The following CHMP7 variants were observed in gnomAD, a reference collection of about 807,000 sequenced individuals.
The protein encoded by CHMP7 is charged multivesicular body protein 7, also known as CHMP family, member 7.
In CHMP7, 15 loss-of-function variants were observed where a neutral mutation model predicts 53.7. The observed-to-expected ratio is 0.28, with a 90% CI of 0.19 to 0.43. The LOEUF is 0.43. Ranked by LOEUF, CHMP7 falls within the 20% of genes least tolerant of loss-of-function variation. The probability of loss-of-function intolerance (pLI) is 1.00; values close to 1 mark genes in which losing one functional copy is unlikely to be tolerated. For synonymous variants in CHMP7, 261 were observed against 228.0 expected (o/e 1.14, Z -1.30); for missense variants, 527 against 569.4 (o/e 0.93, Z 0.76).
intron 5 of CHMP7, among the ~76,000 whole-genome samples, chr8:23,257,546 G>A (rs542450328): frequency 6.6e-6 from 1 of 152,356 alleles, no homozygotes; most frequent in East Asian, 1.9e-4. Context: ...ACAGGTCCCT[G>A]CCTTTGCAGA....
rs1802361197 is a variant in CHMP7, at chr8:23,260,957, T to C, written c.*358T>C. The C allele has an allele frequency of 3.3e-6, 1 of 302,334 alleles. No homozygotes were observed. The highest frequency in any genetic ancestry group is 4.6e-5 in the Admixed American group (1 of 21,716). 18.7% of individuals were successfully genotyped at this position (302,334 alleles called of 1,614,324 possible). On this transcript the variant is annotated 3_prime_UTR_variant, in exon 11 of 11. Transcript: ENST00000397677. ...CATGAAGGGGAAAGATTTGCAGCTT[T>C]GCCAAATCTGAATCAGTTCCCACTC...
chr8:23,249,278 T>C lies in CHMP7; in HGVS notation c.368T>C (p.Val123Ala). 1 of 1,611,212 alleles carries C rather than the reference T, an allele frequency of 6.2e-7. No homozygotes were observed. The highest frequency in any genetic ancestry group is 8.5e-7 in the Non-Finnish European group (1 of 1,178,816). Residue 123 changes from valine (V) to alanine (A), a missense_variant, in exon 3 of 11, where the codon GTT becomes GCT. Physicochemically the swap from Val to Ala is moderately conservative, Grantham distance 64 (BLOSUM62 0). Coordinates refer to ENST00000397677, the MANE Select transcript of CHMP7 (RefSeq NM_152272.5). Reference protein sequence around the residue: ...SVDSSWISWGVGVFLLKPLKW... With the variant: ...SVDSSWISWGAGVFLLKPLKW... The stretch of plus-strand genomic sequence containing the variant: ...GACAGCAGCTGGATCTCCTGGGGGG[T>C]TGGGGTCTTCCTGCTGAAGCCTCTC...
In CHMP7 at chr8:23,259,083, T is replaced by C; in HGVS notation, c.1077T>C (p.Asp359=). The change falls in exon 9 of 11, where the codon GAT becomes GAC. Residue 359 remains aspartate, a synonymous_variant. Coordinates refer to ENST00000397677, the MANE Select transcript of CHMP7 (RefSeq NM_152272.5). The part of the protein sequence containing the change: ...DQIQELCDTQ[D]EVSQTLAGGV... ...TCTTACAGCTCTGTGACACCCAGGA[T>C]GAAGTTTCTCAGACTCTGGCTGGTG... 6.2e-7 allele frequency: 1 copy of C among 1,609,258 alleles called. No individual in the cohort carries two copies. The highest frequency in any genetic ancestry group is 8.5e-7 in the Non-Finnish European group (1 of 1,175,624).
At chr8:23,244,546 A>G (rs1368629746) in intron 1 of CHMP7, among the ~76,000 whole-genome samples, 1 of 152,062 alleles carries the variant, frequency 6.6e-6, no homozygotes, top group Non-Finnish European at 1.5e-5. Context: ...ATTACTGTTG[A>G]TTTATAGTAA....
chr8:23,256,730 T>G, intron 5 of CHMP7, 137 bp downstream of exon 5: 1 of 509,294 alleles, frequency 2.0e-6, no homozygotes. Context: ...TACTCACTGC[T>G]CAATGCAGAA....
At chr8:23,259,372 T>C (rs1802290111) in intron 9 of CHMP7, among the ~76,000 whole-genome samples, 1 of 150,378 alleles carries the variant, frequency 6.6e-6, no homozygotes, top group African/African-American at 2.4e-5. Flanking sequence ...GTCATTTTTT[T>C]TTTTTTTAGA....
At position 23,261,904 on chromosome 8, in the gene CHMP7, C is replaced by T. The variant is rs1044657686; in HGVS notation, c.*1305C>T. ...TTGTTCAATGAATTTCTCTCCAACT[C>T]GACCTTGGTAAACGGAAATGTTGGG... is the stretch of plus-strand genomic sequence containing the variant. On this transcript the variant is annotated 3_prime_UTR_variant, in exon 11 of 11. Transcript: ENST00000397677. 8.5e-5 allele frequency: 13 copies of T among 152,628 alleles called. No individual in the cohort carries two copies. The highest frequency in any genetic ancestry group is 3.2e-3 in the Middle Eastern group (1 of 316). The allele number at this position is 152,628 out of a possible 1,614,324, so 9.5% of individuals were successfully genotyped here.
In CHMP7 at chr8:23,251,692, G is replaced by A. The variant is rs1483925219; in HGVS notation, c.471+2311G>A. ...TTCTTTCCATTGCATTGTATCAGGT[G>A]CCTCTTTCCAGGCCCTACACAGTAT... On this transcript the variant is annotated intron_variant, in intron 3 of 10. Transcript: ENST00000397677. 2.0e-5 allele frequency among the ~76,000 whole-genome samples: 3 copies of A among 152,134 alleles called. No individual in the cohort carries two copies. The East Asian group carries it at 5.8e-4, about 29-fold the overall frequency.
intron 9 of CHMP7, among the ~76,000 whole-genome samples, 192 bp downstream of exon 9, chr8:23,259,318 G>A (rs1271287476): frequency 1.3e-5 from 2 of 149,548 alleles, no homozygotes; most frequent in Non-Finnish European, 3.0e-5. Flanking sequence ...ACAGGCGCCT[G>A]CCACTATGCC....
chr8:23,257,570 G>C (rs1802188087), intron 5 of CHMP7, among the ~76,000 whole-genome samples: 1 of 152,198 alleles, frequency 6.6e-6, no homozygotes, highest in Non-Finnish European at 1.5e-5. Flanking sequence ...CTTTCTGAGG[G>C]GCTCTTCCCC....
At position 23,249,392 on chromosome 8, in the gene CHMP7, A is replaced by G. The variant is rs1180950604; in HGVS notation, c.471+11A>G. 1.3e-6 allele frequency: 2 copies of G among 1,584,458 alleles called. No homozygotes were observed. Among genetic ancestry groups the G allele is most frequent in the South Asian group, 2.3e-5 (2 of 86,196 alleles). On this transcript the variant is annotated intron_variant, in intron 3 of 10. Transcript: ENST00000397677. ...GTGGAGCTGTTGAAGGTGGGTACTC[A>G]GAAGGGGGTGTCTGGGTGTCACCTG... is the stretch of plus-strand genomic sequence containing the variant.
chr8:23,254,879 G>A (rs1366491896), intron 3 of CHMP7: 1 of 348,160 alleles, frequency 2.9e-6, no homozygotes, highest in Non-Finnish European at 5.6e-6. Flanking sequence ...AGGTCACCCA[G>A]GCTAGGCTGG....
At chr8:23,247,573 C>T (rs1001897833) in intron 2 of CHMP7, among the ~76,000 whole-genome samples, 9 of 152,178 alleles carry the variant, frequency 5.9e-5, no homozygotes, top group Non-Finnish European at 5.9e-5. Flanking sequence ...ACGTGTGCGA[C>T]AGGTGCAGTT....
chr8:23,254,185 C>CCTTTTT, intron 3 of CHMP7, among the ~76,000 whole-genome samples: 1 of 134,930 alleles, frequency 7.4e-6, no homozygotes, highest in Non-Finnish European at 1.5e-5. Flanking sequence ...TTCTGCTCAA[C>CCTTTTT]TTTTTTTTTT....
In CHMP7 at chr8:23,255,287, C is replaced by G; in HGVS notation, c.512C>G (p.Pro171Arg). 1 of 1,614,192 alleles carries G rather than the reference C, an allele frequency of 6.2e-7. No individual in the cohort carries two copies. The highest frequency in any genetic ancestry group is 8.5e-7 in the Non-Finnish European group (1 of 1,180,042). Reference sequence around the variant, plus strand: ...GTGTATCGTCTGTATCAGAACTCGCCCCTCTCCTCCCACCCCGTGGTGGCC... The same window carrying G: ...GTGTATCGTCTGTATCAGAACTCGCGCCTCTCCTCCCACCCCGTGGTGGCC... Reference protein sequence around the residue: ...EEVYRLYQNSPLSSHPVVALS... With the variant: ...EEVYRLYQNSRLSSHPVVALS... Residue 171 changes from proline to arginine, a missense_variant, in exon 4 of 11, where the codon CCC (proline) becomes CGC (arginine). Coordinates refer to ENST00000397677, the MANE Select transcript of CHMP7 (RefSeq NM_152272.5).
chr8:23,247,084 C>G, intron 2 of CHMP7, 90 bp downstream of exon 2: 1 of 1,284,664 alleles, frequency 7.8e-7, no homozygotes, highest in East Asian at 2.7e-5. Flanking sequence ...GCACAGCGCA[C>G]TGCGCCCAGC....
At chr8:23,257,419 C>A (rs1468984926) in intron 5 of CHMP7, among the ~76,000 whole-genome samples, 1 of 152,164 alleles carries the variant, frequency 6.6e-6, no homozygotes, top group African/African-American at 2.4e-5. Context: ...TTAATGCTTC[C>A]CCCACAGACC....
chr8:23,258,466 A>G lies in CHMP7; in HGVS notation c.960+17A>G, dbSNP rs1802226959. On this transcript the variant is annotated intron_variant, in intron 7 of 10. Transcript: ENST00000397677. ...GATCAGATGGTAGTCACTCCCCTCTACTCCAGCACTTGGCTGGTCTCTCCG... is the reference window on the plus strand; with the variant it reads ...GATCAGATGGTAGTCACTCCCCTCTGCTCCAGCACTTGGCTGGTCTCTCCG... 3 of 1,612,976 alleles carry G rather than the reference A, an allele frequency of 1.9e-6. No homozygotes were observed. The highest frequency in any genetic ancestry group is 2.5e-6 in the Non-Finnish European group (3 of 1,179,722).
intron 6 of CHMP7, 32 bp downstream of exon 6, chr8:23,258,113 G>C: frequency 6.3e-7 from 1 of 1,589,416 alleles, no homozygotes. Flanking sequence ...ACCCATAGCA[G>C]TGCCCCAGGC....
Sources: allele counts gnomAD v4.1 joint callset (sites outside exome capture counted in the v4.1 genomes callset), GRCh38; gene constraint gnomAD v4.1.1; transcripts MANE v1.5; gene names NCBI Gene and HGNC (gene_info 2026-07-23, HGNC 2026-07-21).